PSD3: variants seen among roughly 807,000 people sequenced by gnomAD.
PSD3 encodes PH and SEC7 domain-containing protein 3.
Under a neutral mutation model 105.5 loss-of-function variants are expected in PSD3, and 49 were observed. The ratio of observed to expected loss-of-function variants is 0.46; its 90% CI spans 0.37 to 0.59. The LOEUF (loss-of-function observed/expected upper bound fraction) is 0.59, where lower values mean the gene tolerates loss of function less well. PSD3 is among the 20% of genes least tolerant of loss of function. The pLI is 0.00. For synonymous variants in PSD3, 557 were observed against 457.8 expected (o/e 1.22, Z -2.77); for missense variants, 1,561 against 1,263.8 (o/e 1.24, Z -3.57).
At chr8:18,988,359 T>C (rs1348206584) in intron 1 of PSD3, among the ~76,000 whole-genome samples, 2 of 152,144 alleles carry the variant, frequency 1.3e-5, no homozygotes, top group African/African-American at 4.8e-5. Flanking sequence ...TCTGTTATCT[T>C]GGAAATAAAA....
At chr8:18,698,183 C>T (rs1413409098) in intron 9 of PSD3, among the ~76,000 whole-genome samples, 1 of 152,240 alleles carries the variant, frequency 6.6e-6, no homozygotes, top group Middle Eastern at 3.4e-3. Flanking sequence ...ATTGTAACCT[C>T]GAACTCCTAG....
chr8:18,642,566 T>C (rs1807729415), intron 10 of PSD3, among the ~76,000 whole-genome samples: 1 of 152,116 alleles, frequency 6.6e-6, no homozygotes, highest in African/African-American at 2.4e-5. Context: ...CATCCCAGCC[T>C]CCATAATTCT....
intron 1 of PSD3, among the ~76,000 whole-genome samples, chr8:19,007,014 G>A (rs56075303): frequency 0.022 from 3,399 of 152,084 alleles, 142 homozygotes; most frequent in African/African-American, 0.078. Context: ...CAGCAATTTG[G>A]GAGGCTGAGG....
chr8:18,870,364 T>A (rs1355291634), intron 3 of PSD3, among the ~76,000 whole-genome samples: 1 of 152,172 alleles, frequency 6.6e-6, no homozygotes, highest in East Asian at 1.9e-4. Flanking sequence ...GTCTGCCATT[T>A]ATCCAGGGTC....
chr8:18,578,581 G>A (rs1157655403), intron 12 of PSD3, among the ~76,000 whole-genome samples: 1 of 151,992 alleles, frequency 6.6e-6, no homozygotes, highest in African/African-American at 2.4e-5. Flanking sequence ...AGGTGAATAG[G>A]AAACACAAAA....
intron 2 of PSD3, among the ~76,000 whole-genome samples, chr8:18,897,527 A>G (rs1819228539): frequency 6.6e-6 from 1 of 151,992 alleles, no homozygotes; most frequent in Non-Finnish European, 1.5e-5. Context: ...TGTTTTTTCT[A>G]TTTCTGTGAT....
At chr8:18,660,037 T>G (rs1287870317) in intron 9 of PSD3, among the ~76,000 whole-genome samples, 3 of 152,136 alleles carry the variant, frequency 2.0e-5, no homozygotes, top group Non-Finnish European at 4.4e-5. Flanking sequence ...GGCTGAAGAA[T>G]GGCACCCCTA....
chr8:18,910,560 C>T (rs1239794630), intron 2 of PSD3, among the ~76,000 whole-genome samples: 1 of 118,848 alleles, frequency 8.4e-6, no homozygotes, highest in Non-Finnish European at 1.7e-5. Context: ...GTGGGTGCAG[C>T]GCACCAGCAT....
chr8:18,739,938 G>A (rs1057230657), intron 9 of PSD3, among the ~76,000 whole-genome samples: 1 of 152,126 alleles, frequency 6.6e-6, no homozygotes, highest in Non-Finnish European at 1.5e-5. Flanking sequence ...TAGAACATAA[G>A]TTATTTCTAA....
intron 1 of PSD3, among the ~76,000 whole-genome samples, chr8:19,027,933 T>C (rs1470916362): frequency 6.6e-6 from 1 of 152,218 alleles, no homozygotes; most frequent in African/African-American, 2.4e-5. Context: ...ACATGTTTGT[T>C]CTTGGATAAA....
At chr8:18,664,712 T>C (rs1471086113) in intron 9 of PSD3, among the ~76,000 whole-genome samples, 5 of 152,196 alleles carry the variant, frequency 3.3e-5, no homozygotes, top group African/African-American at 1.2e-4. Context: ...AGGACTTTGA[T>C]AGCTAGGGAG....
chr8:18,648,564 A>T lies in PSD3; in HGVS notation c.2216+7078T>A, dbSNP rs568457173. The stretch of plus-strand genomic sequence containing the variant: ...AATAAATGACATAAAACTGGAACTT[A>T]TATCTAAAAGTTTGGAAAATTTGCA... On this transcript the variant is annotated intron_variant, in intron 10 of 15. Coordinates refer to ENST00000327040, the MANE Select transcript of PSD3 (RefSeq NM_015310.4). 1.2e-4 allele frequency among the ~76,000 whole-genome samples: 19 copies of T among 152,310 alleles called. No individual in the cohort carries two copies. In the South Asian group the frequency reaches 3.7e-3, roughly 30 times the overall value.
chr8:18,842,372 T>G (rs1272357671), intron 4 of PSD3, among the ~76,000 whole-genome samples: 1 of 152,198 alleles, frequency 6.6e-6, no homozygotes, highest in African/African-American at 2.4e-5. Flanking sequence ...GGGATTTACA[T>G]GGGAAAAACA....
At position 18,969,394 on chromosome 8, in the gene PSD3, T is replaced by C. The variant is rs765455403; in HGVS notation, c.22-33252A>G. Among the ~76,000 whole-genome samples the C allele has an allele frequency of 2.6e-5, 4 of 152,332 alleles. No individual in the cohort carries two copies. The East Asian group carries it at 5.8e-4, about 22-fold the overall frequency. Reference sequence around the variant, plus strand: ...ACTATAACATTAGCTTCACGTTCAATTGCATAGAAATCAACGGTACACCAT... The same window carrying C: ...ACTATAACATTAGCTTCACGTTCAACTGCATAGAAATCAACGGTACACCAT... On this transcript the variant is annotated intron_variant, in intron 1 of 15. Coordinates refer to ENST00000327040, the MANE Select transcript of PSD3 (RefSeq NM_015310.4).
At chr8:18,892,513 G>A (rs563590627) in intron 2 of PSD3, among the ~76,000 whole-genome samples, 14 of 151,536 alleles carry the variant, frequency 9.2e-5, no homozygotes, top group Non-Finnish European at 1.3e-4. Context: ...GTGAGCCACC[G>A]CACCTGGCCA....
intron 2 of PSD3, among the ~76,000 whole-genome samples, chr8:18,917,308 T>C (rs1051643223): frequency 5.3e-5 from 8 of 152,168 alleles, no homozygotes; most frequent in African/African-American, 1.4e-4. Context: ...CCCTTACTGA[T>C]AGAACCCCTC....
At chr8:18,586,022 C>T (rs566659185) in intron 12 of PSD3, among the ~76,000 whole-genome samples, 45 of 152,142 alleles carry the variant, frequency 3.0e-4, no homozygotes, top group Non-Finnish European at 5.4e-4. Flanking sequence ...CTGGGGAGAG[C>T]GATCCCCAGC....
Position 18,842,056 on chromosome 8 carries a change from C to T in PSD3, c.1634+25618G>A, listed in dbSNP as rs371653289. On this transcript the variant is annotated intron_variant, in intron 4 of 15. Coordinates refer to ENST00000327040, the MANE Select transcript of PSD3 (RefSeq NM_015310.4). ...TTCCAAGGCCAAAAACCCAGTAAGA[C>T]CTCACCATCTTCCCATGTTAACCAG... Among the ~76,000 whole-genome samples, 116 of 152,250 alleles carry T rather than the reference C, an allele frequency of 7.6e-4. 2 individuals carry two copies. The South Asian group carries it at 0.024, about 31-fold the overall frequency.
chr8:18,589,992 C>G (rs180956178), intron 12 of PSD3, among the ~76,000 whole-genome samples: 73 of 152,174 alleles, frequency 4.8e-4, no homozygotes, highest in African/African-American at 1.6e-3. Context: ...GTCTTGGAAT[C>G]TGTTGAACAT....
Sources: gnomAD v4.1 joint callset for allele counts (sites outside exome capture counted in the v4.1 genomes callset) on GRCh38, gnomAD v4.1.1 for gene constraint, MANE v1.5 for transcripts, NCBI Gene and HGNC (gene_info 2026-07-23, HGNC 2026-07-21) for gene names.